Variants in GALNS observed in about 807,000 individuals in gnomAD.
The protein encoded by GALNS is N-acetylgalactosamine-6-sulfatase.
A neutral mutation model predicts 65.9 loss-of-function variants in GALNS; 65 were observed. That is an observed-to-expected ratio of 0.99 (90% CI 0.81 to 1.21). GALNS has a LOEUF of 1.21. Ranked by LOEUF, GALNS falls within the 50% of genes most tolerant of loss-of-function variation. GALNS has a pLI of 0.00. For missense variants in GALNS, 776 were observed against 700.7 expected (o/e 1.11, Z -1.21); for synonymous variants, 346 against 288.9 (o/e 1.20, Z -2.00).
chr16:88,832,147 C>T (rs1180852412), intron 8 of GALNS, 46 bp from the exon 9 acceptor site: 4 of 1,519,516 alleles, frequency 2.6e-6, no homozygotes, highest in South Asian at 2.3e-5. Flanking sequence ...CAGATGTCCC[C>T]AGGCCCTCCC....
chr16:88,835,573 G>A, intron 7 of GALNS, 152 bp downstream of exon 7: 1 of 1,325,182 alleles, frequency 7.5e-7, no homozygotes, highest in Non-Finnish European at 1.1e-6. Context: ...CTCCTCTGCT[G>A]ATCCCAGGCC....
chr16:88,816,344 C>T (rs1312631435), intron 13 of GALNS: 3 of 985,306 alleles, frequency 3.0e-6, no homozygotes, highest in East Asian at 1.1e-4. Flanking sequence ...AGGCAGAAGG[C>T]CAGGGCTCCT....
intron 1 of GALNS, among the ~76,000 whole-genome samples, chr16:88,853,156 CAGG>C (rs1214472852): frequency 1.4e-4 from 21 of 145,316 alleles, no homozygotes; most frequent in Non-Finnish European, 2.8e-4. Flanking sequence ...GAGGCTGAGG[CAGG>C]AGAATTGCTT....
chr16:88,825,098 ATCTGGGGCGCCTGGGTG>A (rs1199809228), intron 10 of GALNS, among the ~76,000 whole-genome samples: 2 of 56,884 alleles, frequency 3.5e-5, no homozygotes, highest in Non-Finnish European at 6.4e-5. Context: ...GTGACTGGGT[ATCTGGGGCGCCTGGGTG>A]TCTGGGGCTG....
At chr16:88,825,774 A>G (rs1910827501) in intron 10 of GALNS, among the ~76,000 whole-genome samples, 2 of 152,040 alleles carry the variant, frequency 1.3e-5, no homozygotes, top group African/African-American at 2.4e-5. Flanking sequence ...TGGGGGACGC[A>G]GCTGGGCACC....
intron 1 of GALNS, among the ~76,000 whole-genome samples, chr16:88,854,869 G>A (rs981386606): frequency 2.6e-5 from 4 of 152,208 alleles, no homozygotes; most frequent in African/African-American, 9.6e-5. Context: ...ACACCTACCG[G>A]CCAGGACACA....
chr16:88,818,564 G>T (rs1259811351), intron 12 of GALNS, among the ~76,000 whole-genome samples: 1 of 152,210 alleles, frequency 6.6e-6, no homozygotes, highest in East Asian at 1.9e-4. Context: ...GAGGGGAACG[G>T]CATCTGCAGT....
At chr16:88,840,395 C>T (rs1966909233) in intron 4 of GALNS, 1 of 157,042 alleles carries the variant, frequency 6.4e-6, no homozygotes, top group Non-Finnish European at 1.4e-5. Flanking sequence ...AAATTCGGGA[C>T]AGGTGACTCC....
chr16:88,814,752 C>G (rs933916025), intron 13 of GALNS: 7 of 242,642 alleles, frequency 2.9e-5, no homozygotes, highest in Admixed American at 1.3e-4. Context: ...AGGCACGCGC[C>G]ACCACGCCTG....
intron 9 of GALNS, among the ~76,000 whole-genome samples, chr16:88,830,375 C>A (rs1174641209): frequency 6.6e-6 from 1 of 151,934 alleles, no homozygotes; most frequent in Admixed American, 6.6e-5. Context: ...AACAGAACAT[C>A]TCCTGGAGCC....
At chr16:88,825,771 C>T (rs573232981) in intron 10 of GALNS, among the ~76,000 whole-genome samples, 4 of 152,128 alleles carry the variant, frequency 2.6e-5, no homozygotes, top group South Asian at 2.1e-4. Context: ...GAGTGGGGGA[C>T]GCAGCTGGGC....
At chr16:88,817,826 G>C (rs1464814041) in intron 13 of GALNS, among the ~76,000 whole-genome samples, 181 bp downstream of exon 13, 1 of 152,196 alleles carries the variant, frequency 6.6e-6, no homozygotes, top group Non-Finnish European at 1.5e-5. Context: ...GAGTCGCTTG[G>C]CTCCTGCCTC....
intron 10 of GALNS, among the ~76,000 whole-genome samples, chr16:88,826,371 A>G (rs1468347538): frequency 1.4e-5 from 1 of 74,018 alleles, no homozygotes; most frequent in Non-Finnish European, 2.5e-5. Context: ...GTCTGGGTAC[A>G]GGCAGGGAAC....
At chr16:88,827,343 C>T (rs768263527) in intron 9 of GALNS, among the ~76,000 whole-genome samples, 87 of 152,160 alleles carry the variant, frequency 5.7e-4, no homozygotes, top group Non-Finnish European at 1.1e-3. Context: ...AGGAGGCTGT[C>T]TTTCCCGCCG....
chr16:88,842,874 G>C, intron 1 of GALNS, 45 bp from the exon 2 acceptor site: 2 of 1,607,584 alleles, frequency 1.2e-6, no homozygotes, highest in Non-Finnish European at 1.7e-6. Context: ...CCTTCTGCAG[G>C]TGCTTCTGGC....
At chr16:88,855,989 G>C in intron 1 of GALNS, 1 of 593,992 alleles carries the variant, frequency 1.7e-6, no homozygotes. Flanking sequence ...GAATGGAAGT[G>C]ACCCCCAAGC....
At chr16:88,844,034 G>A (rs1967117848) in intron 1 of GALNS, 1 of 152,180 alleles carries the variant, frequency 6.6e-6, no homozygotes, top group African/African-American at 2.4e-5. Context: ...GTTTCTTCTT[G>A]GGATGGACTG....
intron 13 of GALNS, chr16:88,817,455 G>A (rs1909748714): frequency 1.0e-6 from 1 of 985,432 alleles, no homozygotes; most frequent in African/African-American, 1.7e-5. Context: ...AGGTCTCTGG[G>A]GCTGGCCCAG....
chr16:88,856,241 C>G, intron 1 of GALNS: 1 of 703,050 alleles, frequency 1.4e-6, no homozygotes. Flanking sequence ...CAGAGACAGC[C>G]GTCAGGTAAG....
Sources: allele counts gnomAD v4.1 joint callset (sites outside exome capture counted in the v4.1 genomes callset), GRCh38; gene constraint gnomAD v4.1.1; transcripts MANE v1.5; gene names NCBI Gene and HGNC (gene_info 2026-07-23, HGNC 2026-07-21).